Variants in EML1 observed in about 807,000 individuals in gnomAD.
EML1 encodes the protein echinoderm microtubule-associated protein-like 1.
In EML1, 27 loss-of-function variants were observed where a neutral mutation model predicts 110.4. That is an observed-to-expected ratio of 0.24 (90% CI 0.18 to 0.34). The LOEUF (loss-of-function observed/expected upper bound fraction) is 0.34, where lower values mean the gene tolerates loss of function less well. Among genes scored for constraint, EML1 ranks in the 10% least tolerant of loss-of-function variants. The probability of loss-of-function intolerance (pLI) is 1.00; values close to 1 mark genes in which losing one functional copy is unlikely to be tolerated. For missense variants in EML1, 741 were observed against 1,030.9 expected (o/e 0.72, Z 3.85); for synonymous variants, 344 against 385.8 (o/e 0.89, Z 1.27).
chr14:99,741,350 A>T (rs1077901), intron 1 of EML1, among the ~76,000 whole-genome samples: 115,210 of 151,974 alleles, frequency 0.76, 45,657 homozygotes, highest in South Asian at 0.91. Flanking sequence ...GCGTTTTGTA[A>T]GTGCGTGTGC....
intron 10 of EML1, 96 bp downstream of exon 10, chr14:99,907,829 C>A: frequency 8.8e-7 from 1 of 1,137,378 alleles, no homozygotes; most frequent in Non-Finnish European, 1.3e-6. Context: ...CTCATTCCCA[C>A]CCCAGCCCTT....
chr14:99,861,109 G>A (rs2058996164), intron 2 of EML1, among the ~76,000 whole-genome samples: 2 of 152,196 alleles, frequency 1.3e-5, no homozygotes, highest in Admixed American at 6.5e-5. Flanking sequence ...GCAACATAAT[G>A]TCTGCTCTTA....
chr14:99,922,443 T>TTTATTTA (rs1039349018), intron 17 of EML1, among the ~76,000 whole-genome samples: 2 of 152,196 alleles, frequency 1.3e-5, no homozygotes, highest in African/African-American at 4.8e-5. Flanking sequence ...TTTCTGGTTT[T>TTTATTTA]TTATTATTAT....
chr14:99,938,568 C>T (rs1466983931), intron 20 of EML1, among the ~76,000 whole-genome samples: 1 of 152,026 alleles, frequency 6.6e-6, no homozygotes, highest in East Asian at 1.9e-4. Flanking sequence ...CCCCCACCCA[C>T]CCATTCTCCA....
intron 8 of EML1, among the ~76,000 whole-genome samples, chr14:99,900,536 A>T (rs2059747116): frequency 6.6e-6 from 1 of 152,218 alleles, no homozygotes; most frequent in Non-Finnish European, 1.5e-5. Flanking sequence ...GAATTTAGGC[A>T]TGGTGACACC....
chr14:99,799,072 GA>G (rs1014006504), intron 1 of EML1, among the ~76,000 whole-genome samples: 1 of 152,112 alleles, frequency 6.6e-6, no homozygotes, highest in Admixed American at 6.5e-5. Context: ...GGCCTGACTG[GA>G]GCGTATCTGC....
intron 1 of EML1, among the ~76,000 whole-genome samples, chr14:99,812,912 T>C (rs545627456): frequency 1.1e-4 from 17 of 152,146 alleles, no homozygotes; most frequent in Non-Finnish European, 2.4e-4. Context: ...TCCTGATGCA[T>C]AGCTAACAAG....
chr14:99,916,518 C>T (rs1439893020), intron 15 of EML1, among the ~76,000 whole-genome samples: 1 of 152,190 alleles, frequency 6.6e-6, no homozygotes, highest in African/African-American at 2.4e-5. Flanking sequence ...CTCTCTTCAT[C>T]CTAAACACTC....
chr14:99,851,350 C>T (rs1219791736), intron 2 of EML1, among the ~76,000 whole-genome samples: 2 of 151,978 alleles, frequency 1.3e-5, no homozygotes, highest in Non-Finnish European at 2.9e-5. Flanking sequence ...CTCTGTCGCC[C>T]AGGCTAGAGT....
intron 10 of EML1, 80 bp downstream of exon 10, chr14:99,907,813 A>G (rs2059878941): frequency 1.4e-6 from 2 of 1,385,716 alleles, no homozygotes; most frequent in South Asian, 1.2e-5. Flanking sequence ...GCCCCCTTTC[A>G]GCGGGCTCAT....
At chr14:99,741,733 A>G (rs1199295866) in intron 1 of EML1, among the ~76,000 whole-genome samples, 1 of 151,906 alleles carries the variant, frequency 6.6e-6, no homozygotes. Context: ...TTTCTCCTAG[A>G]AGGCCTCGCC....
chr14:99,862,843 C>T (rs541205063), intron 2 of EML1, among the ~76,000 whole-genome samples: 1 of 152,266 alleles, frequency 6.6e-6, no homozygotes, highest in African/African-American at 2.4e-5. Flanking sequence ...TGTAGAATGG[C>T]CTTGGAAACC....
In EML1 at chr14:99,939,350, A is replaced by C. The variant is rs1595515535; in HGVS notation, c.2322+23A>C. ...AGGGTAAAGGACTTGTTTCTTCACT[A>C]ATCTTATCCCCCATGGGGCATGCAC... On this transcript the variant is annotated intron_variant, in intron 21 of 21. Transcript: ENST00000262233. This position sits in a 1 kb window ranked among gnomAD's most constrained non-coding sequence, Gnocchi z 4.2. 1.2e-6 allele frequency: 2 copies of C among 1,613,798 alleles called. No individual in the cohort carries two copies. Among genetic ancestry groups the C allele is most frequent in the Non-Finnish European group, 1.7e-6 (2 of 1,179,918 alleles).
At chr14:99,800,992 G>A (rs2057864749) in intron 1 of EML1, among the ~76,000 whole-genome samples, 1 of 152,226 alleles carries the variant, frequency 6.6e-6, no homozygotes, top group South Asian at 2.1e-4. Flanking sequence ...TCAGAGGGAG[G>A]GGAAGCAGAG....
At chr14:99,836,991 ATT>A (rs35306819) in intron 1 of EML1, among the ~76,000 whole-genome samples, 9 of 141,532 alleles carry the variant, frequency 6.4e-5, no homozygotes, top group African/African-American at 1.6e-4. Flanking sequence ...AATTGTTCTA[ATT>A]TTTTTTTTTT....
intron 2 of EML1, among the ~76,000 whole-genome samples, chr14:99,856,302 GAATAT>G (rs113373945): frequency 0.032 from 4,873 of 152,202 alleles, 118 homozygotes; most frequent in African/African-American, 0.075. Flanking sequence ...TTTAAAACAT[GAATAT>G]AATTTGAAAA....
At chr14:99,750,837 C>A (rs528925085) in intron 1 of EML1, among the ~76,000 whole-genome samples, 1 of 152,192 alleles carries the variant, frequency 6.6e-6, no homozygotes, top group East Asian at 1.9e-4. Flanking sequence ...AGGGCTTCGA[C>A]CTCTGCCCTT....
chr14:99,836,750 T>C (rs995090257), intron 1 of EML1, among the ~76,000 whole-genome samples: 8 of 152,184 alleles, frequency 5.3e-5, no homozygotes, highest in African/African-American at 1.9e-4. Context: ...CTGGATATTT[T>C]TGAATTCCTA....
chr14:99,939,078 T>C lies in EML1; in HGVS notation c.2192-119T>C. 6.8e-7 allele frequency: 1 copy of C among 1,473,914 alleles called. No homozygotes were observed. 91.3% of individuals were successfully genotyped at this position (1,473,914 alleles called of 1,614,324 possible). A position where few individuals can be genotyped will look rare whatever the true frequency, so the allele number is the denominator to read the frequency against. On this transcript the variant is annotated intron_variant, in intron 20 of 21. Coordinates refer to ENST00000262233, the MANE Select transcript of EML1 (RefSeq NM_004434.3). The surrounding 1 kb of genome is among the most constrained non-coding windows in gnomAD (Gnocchi z 4.2). The stretch of plus-strand genomic sequence containing the variant: ...GGCTATTGTGCTTTTTTGACCCTTG[T>C]TTCTAAAGCTGGACTTCAGGCAGTT...
Sources: gnomAD v4.1 joint callset for allele counts (sites outside exome capture counted in the v4.1 genomes callset) on GRCh38, gnomAD v4.1.1 for gene constraint, Gnocchi (gnomAD v3.1) non-coding constraint, MANE v1.5 for transcripts, NCBI Gene and HGNC (gene_info 2026-07-23, HGNC 2026-07-21) for gene names.